DCTN1: variants seen among roughly 807,000 people sequenced by gnomAD.
DCTN1 encodes the protein 150 kDa dynein-associated polypeptide.
A neutral mutation model predicts 161.2 loss-of-function variants in DCTN1; 61 were observed. The ratio of observed to expected loss-of-function variants is 0.38; its 90% CI spans 0.31 to 0.47. The LOEUF (loss-of-function observed/expected upper bound fraction) is 0.47. DCTN1 is among the 20% of genes least tolerant of loss of function. The pLI, the probability that DCTN1 is intolerant of heterozygous loss-of-function variation, is 0.99. For missense variants in DCTN1, 1,404 were observed against 1,623.7 expected, an observed-to-expected ratio of 0.86 and a Z score of 2.33; for synonymous variants, 653 against 632.4, an observed-to-expected ratio of 1.03 and a Z score of -0.49.
upstream of DCTN1, among the ~76,000 whole-genome samples, chr2:74,383,283 C>T (rs1346507725): frequency 6.6e-6 from 1 of 152,150 alleles, no homozygotes; most frequent in African/African-American, 2.4e-5. Context: ...AAGCATAGCC[C>T]ACACCTTTTC....
upstream of DCTN1, among the ~76,000 whole-genome samples, chr2:74,381,522 T>C (rs887564821): frequency 6.6e-6 from 1 of 152,192 alleles, no homozygotes; most frequent in Non-Finnish European, 1.5e-5. Context: ...AAAATCTCCA[T>C]GTCGCCCCCT....
chr2:74,365,723 G>C (rs1457830218), intron 24 of DCTN1, 66 bp from the exon 25 acceptor site: 9 of 1,612,996 alleles, frequency 5.6e-6, no homozygotes, highest in South Asian at 1.1e-5. Flanking sequence ...CTGGGGGCTA[G>C]ACCATGAGAT....
In DCTN1 at chr2:74,366,019, C is replaced by A; in HGVS notation, c.2761-1G>T. 3 of 1,614,198 alleles carry A rather than the reference C, an allele frequency of 1.9e-6. No homozygotes were observed. The highest frequency in any genetic ancestry group is 2.5e-6 in the Non-Finnish European group (3 of 1,180,036). On this transcript the variant is annotated splice_acceptor_variant, in intron 23 of 31. Coordinates refer to ENST00000628224, the MANE Select transcript of DCTN1 (RefSeq NM_004082.5). LOFTEE classifies it high-confidence loss of function. ...CAGCCCGCAGTTCAACCGGTGGAGG[C>A]TAAGGAATGGTCGGTAGGGGGTGAG...
intron 1 of DCTN1, chr2:74,390,519 G>T: frequency 2.7e-6 from 1 of 364,506 alleles, no homozygotes; most frequent in Non-Finnish European, 6.0e-6. Flanking sequence ...GGGATAACTC[G>T]ACTAGACTCA....
chr2:74,391,767 A>C (rs1406316829), intron 1 of DCTN1: 1 of 453,050 alleles, frequency 2.2e-6, no homozygotes, highest in Non-Finnish European at 4.4e-6. Context: ...GGCGGAGCAG[A>C]CGGTTGGCAG....
chr2:74,370,489 G>A lies in DCTN1; in HGVS notation c.1104C>T (p.Ala368=). The change falls in exon 11 of 32, where the codon GCC becomes GCT. Residue 368 remains alanine (A), a synonymous_variant. Transcript: ENST00000628224. This position sits in a 1 kb window ranked among gnomAD's most constrained non-coding sequence, Gnocchi z 4.4. The part of the protein sequence containing the change: ...YQLKQLEEQN[A]RLKDALVRMR... ...ACCTCACCAGGGCATCCTTCAGGCG[G>A]GCATTCTGCTCCTCAAGCTGCTTGA... 1.9e-6 allele frequency: 3 copies of A among 1,614,210 alleles called. No homozygotes were observed. The highest frequency in any genetic ancestry group is 2.5e-6 in the Non-Finnish European group (3 of 1,180,052).
chr2:74,366,112 C>G, intron 23 of DCTN1, 94 bp from the exon 24 acceptor site: 3 of 1,611,984 alleles, frequency 1.9e-6, no homozygotes, highest in Admixed American at 1.7e-5. Context: ...CAGGGAAAAC[C>G]CTGCCTTCTA....
chr2:74,362,354 T>C (rs964075232), intron 30 of DCTN1, among the ~76,000 whole-genome samples: 1 of 152,190 alleles, frequency 6.6e-6, no homozygotes, highest in Non-Finnish European at 1.5e-5. Context: ...ACTCACATTC[T>C]ACCGCTCTTG....
chr2:74,373,232 C>T, intron 6 of DCTN1: 2 of 510,914 alleles, frequency 3.9e-6, no homozygotes, highest in South Asian at 4.1e-5. Flanking sequence ...AGAAGTCCAT[C>T]TCTAGGCTGA....
upstream of DCTN1, among the ~76,000 whole-genome samples, chr2:74,384,589 G>T (rs1675649214): frequency 6.6e-6 from 1 of 152,194 alleles, no homozygotes; most frequent in Non-Finnish European, 1.5e-5. Context: ...GAAATTTCAG[G>T]AAATTATAGG....
rs1674474748 is a variant in DCTN1 at position 74,367,080 on chromosome 2, T to C, written c.2281A>G (p.Ser761Gly). Residue 761 changes from serine (S) to glycine (G), a missense_variant, in exon 20 of 32, where the codon AGT becomes GGT. Physicochemically the swap from Ser to Gly is moderately conservative, Grantham distance 56. Coordinates refer to ENST00000628224, the MANE Select transcript of DCTN1 (RefSeq NM_004082.5). ...GCACGCAGCCGTCCTACCTCCACAC[T>C]CATGCAGTCCAGAGCACTCTGCGTG... is the stretch of plus-strand genomic sequence containing the variant. ...KFTQSALDCM[S>G]VEVGRLRAFL... 6.2e-7 allele frequency: 1 copy of C among 1,614,050 alleles called. No homozygotes were observed. Among genetic ancestry groups the C allele is most frequent in the Non-Finnish European group, 8.5e-7 (1 of 1,180,040 alleles).
intron 6 of DCTN1, 177 bp downstream of exon 6, chr2:74,374,146 T>C: frequency 1.4e-6 from 1 of 693,992 alleles, no homozygotes; most frequent in Non-Finnish European, 2.6e-6. Flanking sequence ...AGTAAGCAAA[T>C]GCCCAGGGTG....
Position 74,366,819 on chromosome 2 carries a change from A to G in DCTN1, c.2430T>C (p.Ala810=), listed in dbSNP as rs369101047. 3.7e-6 allele frequency: 6 copies of G among 1,614,120 alleles called. No homozygotes were observed. In the African/African-American group the frequency reaches 4.0e-5, roughly 11 times the overall value. Residue 810 remains alanine (A), a synonymous_variant, in exon 21 of 32, where the codon GCT becomes GCC. Transcript: ENST00000628224. ...KIRRRMPGTD[A]PGIPAALAFG... is the part of the protein sequence containing the mutation. Reference sequence around the variant, plus strand: ...AGGCCAGTGCAGCTGGGATCCCAGGAGCATCTGTCCCTGGCATTCGCCTTC... The same window carrying G: ...AGGCCAGTGCAGCTGGGATCCCAGGGGCATCTGTCCCTGGCATTCGCCTTC...
intron 26 of DCTN1, chr2:74,364,315 G>T (rs928710527): frequency 6.3e-6 from 1 of 159,368 alleles, no homozygotes; most frequent in Non-Finnish European, 1.4e-5. Flanking sequence ...CTCTATGTAG[G>T]TGAGGTCAGC....
intron 1 of DCTN1, chr2:74,391,328 G>A (rs1198290645): frequency 5.7e-6 from 1 of 175,950 alleles, no homozygotes; most frequent in Admixed American, 5.8e-5. Flanking sequence ...GACAAGGGAT[G>A]CGCAAGATGA....
chr2:74,377,258 T>C (rs977619862), intron 4 of DCTN1, among the ~76,000 whole-genome samples, 174 bp downstream of exon 4: 1 of 152,194 alleles, frequency 6.6e-6, no homozygotes, highest in East Asian at 1.9e-4. Flanking sequence ...CCATCTTTAC[T>C]GTAACTCTAA....
intron 24 of DCTN1, 88 bp from the exon 25 acceptor site, chr2:74,365,745 TGAGG>T (rs1674359503): frequency 6.2e-7 from 1 of 1,611,804 alleles, no homozygotes; most frequent in Admixed American, 1.7e-5. Context: ...GTAGGTTCCC[TGAGG>T]GCTCACCACA....
intron 21 of DCTN1, 39 bp from the exon 22 acceptor site, chr2:74,366,659 C>A: frequency 6.2e-7 from 1 of 1,613,330 alleles, no homozygotes; most frequent in South Asian, 1.1e-5. Flanking sequence ...ACCCTGGGTT[C>A]AGCACCACAG....
At chr2:74,390,529 ACAG>A (rs1252097875) in intron 1 of DCTN1, 4 of 389,286 alleles carry the variant, frequency 1.0e-5, no homozygotes, top group Non-Finnish European at 2.2e-5. Flanking sequence ...GACTAGACTC[ACAG>A]AATTTTAAAT....
Sources: allele counts gnomAD v4.1 joint callset (sites outside exome capture counted in the v4.1 genomes callset), GRCh38; gene constraint gnomAD v4.1.1; non-coding constraint Gnocchi (gnomAD v3.1); transcripts MANE v1.5; gene names NCBI Gene and HGNC (gene_info 2026-07-23, HGNC 2026-07-21).